The following CTNND2 variants were observed in gnomAD, a reference collection of about 807,000 sequenced individuals.
The protein encoded by CTNND2 is catenin delta-2.
A neutral mutation model predicts 144.4 loss-of-function variants in CTNND2; 22 were observed. The observed-to-expected ratio is 0.15, with a 90% CI of 0.11 to 0.22. The LOEUF (loss-of-function observed/expected upper bound fraction) is 0.22, where lower values mean the gene tolerates loss of function less well. Among genes scored for constraint, CTNND2 ranks in the 10% least tolerant of loss-of-function variants. The pLI, the probability that CTNND2 is intolerant of heterozygous loss-of-function variation, is 1.00. For missense variants in CTNND2, 1,353 were observed against 1,618.8 expected, an observed-to-expected ratio of 0.84 and a Z score of 2.82; for synonymous variants, 751 against 695.6, an observed-to-expected ratio of 1.08 and a Z score of -1.25.
At position 11,253,535 on chromosome 5, in the gene CTNND2, C is replaced by T. The variant is rs548273664; in HGVS notation, c.1629-16712G>A. ...CTCTCTTGCCTGCTGCCATGTAAGA[C>T]ATGCCTTTCACCTTCCACCATGATT... is the stretch of plus-strand genomic sequence containing the variant. On this transcript the variant is annotated intron_variant, in intron 9 of 21. Coordinates refer to ENST00000304623, the MANE Select transcript of CTNND2 (RefSeq NM_001332.4). 3.1e-4 allele frequency among the ~76,000 whole-genome samples: 47 copies of T among 152,274 alleles called. 1 individual carries two copies. The highest frequency in any genetic ancestry group is 9.6e-4 in the African/African-American group (40 of 41,566).
chr5:11,285,064 T>C (rs1201051884), intron 9 of CTNND2, among the ~76,000 whole-genome samples: 1 of 152,202 alleles, frequency 6.6e-6, no homozygotes, highest in Non-Finnish European at 1.5e-5. Context: ...AGAATACTGA[T>C]AATTTAGTTT....
chr5:11,439,526 C>A (rs984628052), intron 3 of CTNND2, among the ~76,000 whole-genome samples: 1 of 152,092 alleles, frequency 6.6e-6, no homozygotes, highest in African/African-American at 2.4e-5. Flanking sequence ...GAGTTATAGT[C>A]CAAACCACGA....
intron 2 of CTNND2, among the ~76,000 whole-genome samples, chr5:11,627,210 G>A (rs1332071391): frequency 6.6e-6 from 1 of 152,152 alleles, no homozygotes; most frequent in African/African-American, 2.4e-5. Context: ...ACATCTGAGA[G>A]GGCTAGTGGT....
intron 18 of CTNND2, 141 bp from the exon 19 acceptor site, chr5:10,992,818 A>C: frequency 2.0e-5 from 23 of 1,163,290 alleles, no homozygotes; most frequent in Non-Finnish European, 2.6e-5. Context: ...CTGCGCTCTC[A>C]TGGAGGTGAA....
intron 10 of CTNND2, among the ~76,000 whole-genome samples, chr5:11,206,917 A>T (rs1412887262): frequency 6.6e-6 from 1 of 152,096 alleles, no homozygotes; most frequent in Non-Finnish European, 1.5e-5. Flanking sequence ...TCTCTCTCTG[A>T]CTACTATCCT....
chr5:11,886,596 T>C (rs1333242033), intron 1 of CTNND2, among the ~76,000 whole-genome samples: 1 of 152,118 alleles, frequency 6.6e-6, no homozygotes, highest in Non-Finnish European at 1.5e-5. Flanking sequence ...AAAAAAAGTA[T>C]GGTTTATATA....
intron 1 of CTNND2, among the ~76,000 whole-genome samples, chr5:11,756,550 G>A (rs944224831): frequency 6.6e-6 from 1 of 151,422 alleles, no homozygotes; most frequent in Middle Eastern, 3.2e-3. Flanking sequence ...TGGGTATTCT[G>A]CTAGTTTTCC....
intron 8 of CTNND2, among the ~76,000 whole-genome samples, chr5:11,352,312 T>C (rs540892691): frequency 4.6e-5 from 7 of 152,334 alleles, no homozygotes; most frequent in African/African-American, 1.2e-4. Flanking sequence ...TGTATGAATA[T>C]ATCATAGATA....
At chr5:11,316,976 AAAAC>A (rs1477242186) in intron 9 of CTNND2, among the ~76,000 whole-genome samples, 1 of 152,162 alleles carries the variant, frequency 6.6e-6, no homozygotes, top group African/African-American at 2.4e-5. Context: ...TTACAAGAAA[AAAAC>A]AAACAACCCC....
intron 1 of CTNND2, among the ~76,000 whole-genome samples, chr5:11,774,926 G>A (rs541027161): frequency 6.6e-6 from 1 of 152,110 alleles, no homozygotes. Context: ...CGTTCAGCTG[G>A]AAGTGCAGTC....
chr5:11,831,487 T>C (rs918838461), intron 1 of CTNND2, among the ~76,000 whole-genome samples: 1 of 151,830 alleles, frequency 6.6e-6, no homozygotes, highest in Non-Finnish European at 1.5e-5. Context: ...GCTAACACGG[T>C]GAAACCCCGT....
intron 12 of CTNND2, among the ~76,000 whole-genome samples, chr5:11,122,636 T>C (rs1754259145): frequency 6.6e-6 from 1 of 152,200 alleles, no homozygotes; most frequent in South Asian, 2.1e-4. Flanking sequence ...CCTGAGCTCC[T>C]ACATCTCATC....
chr5:11,328,598 G>A lies in CTNND2; in HGVS notation c.1628+17774C>T, dbSNP rs144088402. ...GGATTTTACAGGCATGAGCCATTGC[G>A]TCCAATCCAAAATTCATCTTCAGAA... On this transcript the variant is annotated intron_variant, in intron 9 of 21. Transcript: ENST00000304623. Among the ~76,000 whole-genome samples, 665 of 152,162 alleles carry A rather than the reference G, an allele frequency of 4.4e-3. 2 individuals are homozygous for A. The highest frequency in any genetic ancestry group is 0.028 in the South Asian group (135 of 4,814).
At chr5:11,131,584 G>A (rs1472466160) in intron 12 of CTNND2, among the ~76,000 whole-genome samples, 1 of 152,128 alleles carries the variant, frequency 6.6e-6, no homozygotes, top group Non-Finnish European at 1.5e-5. Context: ...TCAGGAGATC[G>A]AGACCATCCT....
chr5:11,280,845 G>A (rs2149996050), intron 9 of CTNND2, among the ~76,000 whole-genome samples: 1 of 152,192 alleles, frequency 6.6e-6, no homozygotes. Context: ...ATCCAGCCCT[G>A]TCTCTTCTTC....
chr5:11,764,742 T>C (rs926754073), intron 1 of CTNND2, among the ~76,000 whole-genome samples: 2 of 152,198 alleles, frequency 1.3e-5, no homozygotes, highest in Non-Finnish European at 2.9e-5. Context: ...ATGCCATTAG[T>C]TGACTGTGCT....
rs553295053 is a variant in CTNND2, at chr5:11,068,711, C to A, written c.2788+13985G>T. Among the ~76,000 whole-genome samples the A allele has an allele frequency of 2.3e-3, 345 of 152,232 alleles. 3 individuals carry two copies. The highest frequency in any genetic ancestry group is 8.0e-3 in the African/African-American group (334 of 41,554). On this transcript the variant is annotated intron_variant, in intron 16 of 21. Transcript: ENST00000304623. ...CGGGCGGATCACGAGGTCAGGAGATCGAGACCATCCTGGCTAACACGGTGA... is the reference window on the plus strand; with the variant it reads ...CGGGCGGATCACGAGGTCAGGAGATAGAGACCATCCTGGCTAACACGGTGA...
intron 2 of CTNND2, among the ~76,000 whole-genome samples, chr5:11,655,678 C>G (rs967050215): frequency 1.3e-5 from 2 of 149,296 alleles, no homozygotes; most frequent in Non-Finnish European, 3.0e-5. Flanking sequence ...TGGCAAAAAG[C>G]TTTGCTTATA....
intron 3 of CTNND2, among the ~76,000 whole-genome samples, chr5:11,534,725 C>T (rs910915022): frequency 4.6e-5 from 7 of 152,140 alleles, no homozygotes; most frequent in Non-Finnish European, 7.3e-5. Context: ...TGATGCCTTC[C>T]TCTTTAGAAG....
Sources: allele counts gnomAD v4.1 joint callset (sites outside exome capture counted in the v4.1 genomes callset), GRCh38; gene constraint gnomAD v4.1.1; transcripts MANE v1.5; gene names NCBI Gene and HGNC (gene_info 2026-07-23, HGNC 2026-07-21).